The following SYT16 variants were observed in gnomAD, a reference collection of about 807,000 sequenced individuals.
The protein encoded by SYT16 is synaptotagmin 16, also known as synaptotagmin-16.
Under a neutral mutation model 61.4 loss-of-function variants are expected in SYT16, and 42 were observed. The ratio of observed to expected loss-of-function variants is 0.68; its 90% CI spans 0.53 to 0.89. SYT16 has a LOEUF of 0.89. Ranked by LOEUF, SYT16 falls within the 40% of genes least tolerant of loss-of-function variation. The pLI, the probability that SYT16 is intolerant of heterozygous loss-of-function variation, is 0.00. For synonymous variants in SYT16, 314 were observed against 302.3 expected (o/e 1.04, Z -0.40); for missense variants, 804 against 807.3 (o/e 1.00, Z 0.05).
At chr14:61,842,019 C>T (rs144788477) in intron 1 of SYT16, among the ~76,000 whole-genome samples, 4 of 151,988 alleles carry the variant, frequency 2.6e-5, no homozygotes, top group Non-Finnish European at 5.9e-5. Context: ...TTTAATCTGT[C>T]GCAGGCTTTA....
At chr14:61,948,404 T>C (rs2050533998) in intron 1 of SYT16, among the ~76,000 whole-genome samples, 1 of 151,808 alleles carries the variant, frequency 6.6e-6, no homozygotes, top group Non-Finnish European at 1.5e-5. Flanking sequence ...GGCTAGGCTT[T>C]TAAAAAACTA....
chr14:61,889,158 A>T (rs2048027532), intron 1 of SYT16, among the ~76,000 whole-genome samples: 1 of 152,174 alleles, frequency 6.6e-6, no homozygotes, highest in South Asian at 2.1e-4. Flanking sequence ...CCTGGACTCA[A>T]CTCTGACTCC....
intron 1 of SYT16, among the ~76,000 whole-genome samples, chr14:61,877,903 C>A (rs1465320090): frequency 6.6e-6 from 1 of 152,162 alleles, no homozygotes; most frequent in Non-Finnish European, 1.5e-5. Flanking sequence ...GAACCTTAAT[C>A]CCTGGGTGTT....
At chr14:61,967,572 C>T (rs955531308) in intron 1 of SYT16, among the ~76,000 whole-genome samples, 4 of 152,108 alleles carry the variant, frequency 2.6e-5, no homozygotes, top group East Asian at 1.9e-4. Context: ...TTTTGTAACT[C>T]GAATCTCTGC....
intron 1 of SYT16, among the ~76,000 whole-genome samples, chr14:61,858,731 G>C (rs954719754): frequency 2.6e-5 from 4 of 152,238 alleles, no homozygotes; most frequent in Admixed American, 6.5e-5. Flanking sequence ...TTTTTCAATA[G>C]AGTAGGCACT....
chr14:62,021,487 T>G (rs1171053532), intron 3 of SYT16, among the ~76,000 whole-genome samples: 3 of 52,810 alleles, frequency 5.7e-5, no homozygotes, highest in Non-Finnish European at 1.2e-4. Flanking sequence ...TTTTTTCGGT[T>G]GTTGTTTTTT....
chr14:61,906,766 A>C (rs371716328), intron 1 of SYT16, among the ~76,000 whole-genome samples: 8 of 76,686 alleles, frequency 1.0e-4, no homozygotes, highest in African/African-American at 2.5e-4. Context: ...TCCGTCCGTC[A>C]ATCCATCCAT....
intron 1 of SYT16, among the ~76,000 whole-genome samples, chr14:61,905,674 G>A (rs540385515): frequency 2.6e-5 from 4 of 152,110 alleles, no homozygotes; most frequent in African/African-American, 9.6e-5. Context: ...AAGACAGCAG[G>A]GTCTCTATCA....
chr14:62,036,666 G>A (rs1014892701), intron 3 of SYT16, among the ~76,000 whole-genome samples: 1 of 152,156 alleles, frequency 6.6e-6, no homozygotes, highest in African/African-American at 2.4e-5. Flanking sequence ...GTGGTGGCAG[G>A]CAAGAGAGCC....
At chr14:61,813,123 C>G (rs1380868417) in intron 1 of SYT16, among the ~76,000 whole-genome samples, 2 of 152,246 alleles carry the variant, frequency 1.3e-5, no homozygotes, top group Admixed American at 1.3e-4. Flanking sequence ...CAGCCTTCAG[C>G]GAGCCGGGCA....
chr14:61,868,068 G>A (rs948796593), intron 1 of SYT16, among the ~76,000 whole-genome samples: 1 of 151,930 alleles, frequency 6.6e-6, no homozygotes, highest in African/African-American at 2.4e-5. Context: ...CATTTTAAGA[G>A]TTTTGTGTGT....
In SYT16 at chr14:62,004,263, C is replaced by T. The variant is rs114884547; in HGVS notation, c.523+7721C>T. Among the ~76,000 whole-genome samples the T allele has an allele frequency of 7.7e-3, 1,172 of 152,116 alleles. 14 individuals carry two copies. The highest frequency in any genetic ancestry group is 0.026 in the African/African-American group (1,099 of 41,520). ...GAGACAGAGAGACAGAGAGAGAGAGCGCACAAGCGAGAGTGAGCAAAAGGG... is the reference window on the plus strand; with the variant it reads ...GAGACAGAGAGACAGAGAGAGAGAGTGCACAAGCGAGAGTGAGCAAAAGGG... On this transcript the variant is annotated intron_variant, in intron 3 of 7. Coordinates refer to ENST00000683842, the MANE Select transcript of SYT16 (RefSeq NM_001367656.1).
intron 1 of SYT16, among the ~76,000 whole-genome samples, chr14:61,922,901 T>A (rs1359544243): frequency 6.6e-6 from 1 of 151,922 alleles, no homozygotes; most frequent in Non-Finnish European, 1.5e-5. Context: ...TACAAAAAAT[T>A]ATCTGGGTGT....
chr14:62,037,258 A>G (rs576209991), intron 3 of SYT16, among the ~76,000 whole-genome samples: 49 of 151,764 alleles, frequency 3.2e-4, no homozygotes, highest in African/African-American at 1.1e-3. Context: ...GTAGTTTTTT[A>G]GTGTTTTCTT....
intron 1 of SYT16, among the ~76,000 whole-genome samples, chr14:61,953,785 C>T (rs2050764176): frequency 6.6e-6 from 1 of 152,176 alleles, no homozygotes; most frequent in Non-Finnish European, 1.5e-5. Flanking sequence ...GTGCTGTACC[C>T]AGGTCACCTC....
rs560067291 is a variant in SYT16 at position 61,858,946 on chromosome 14, C to T, written c.-325+46136C>T. On this transcript the variant is annotated intron_variant, in intron 1 of 7. Transcript: ENST00000683842. ...CTCGGCTCACTGCAACCTCCGCCTC[C>T]TGGGTTCACGCCATTCTCCTGCCTC... Among the ~76,000 whole-genome samples, 10 of 151,616 alleles carry T rather than the reference C, an allele frequency of 6.6e-5. No homozygotes were observed. In the South Asian group the frequency reaches 1.7e-3, roughly 25 times the overall value.
intron 3 of SYT16, among the ~76,000 whole-genome samples, chr14:62,043,217 C>T (rs1216497422): frequency 1.3e-5 from 2 of 151,524 alleles, no homozygotes; most frequent in African/African-American, 4.9e-5. Flanking sequence ...ACCTCCAGTA[C>T]CCCCTCAGAA....
At chr14:62,076,963 C>G (rs2140961753) in intron 5 of SYT16, among the ~76,000 whole-genome samples, 1 of 152,330 alleles carries the variant, frequency 6.6e-6, no homozygotes, top group South Asian at 2.1e-4. Context: ...TCTGTGTGCT[C>G]CATTCAACCT....
intron 1 of SYT16, among the ~76,000 whole-genome samples, chr14:61,937,220 T>C (rs1266830281): frequency 1.1e-4 from 16 of 152,354 alleles, no homozygotes; most frequent in African/African-American, 3.8e-4. Context: ...ATTTTTAAAG[T>C]TGGTTATCAT....
Sources: allele counts gnomAD v4.1 joint callset (sites outside exome capture counted in the v4.1 genomes callset), GRCh38; gene constraint gnomAD v4.1.1; transcripts MANE v1.5; gene names NCBI Gene and HGNC (gene_info 2026-07-23, HGNC 2026-07-21).